The following EYA1 variants were observed in gnomAD, a reference collection of about 807,000 sequenced individuals.
EYA1 encodes the protein protein phosphatase EYA1.
Under a neutral mutation model 82.0 loss-of-function variants are expected in EYA1, and 16 were observed. That is an observed-to-expected ratio of 0.20 (90% CI 0.13 to 0.30). EYA1 has a LOEUF of 0.30. Ranked by LOEUF, EYA1 falls within the 10% of genes least tolerant of loss-of-function variation. EYA1 has a pLI of 1.00. For missense variants in EYA1, 633 were observed against 730.7 expected, an observed-to-expected ratio of 0.87 and a Z score of 1.54; for synonymous variants, 261 against 264.4, an observed-to-expected ratio of 0.99 and a Z score of 0.12.
At chr8:71,390,113 C>A (rs1335146955) in intron 2 of EYA1, among the ~76,000 whole-genome samples, 1 of 151,956 alleles carries the variant, frequency 6.6e-6, no homozygotes, top group African/African-American at 2.4e-5. Flanking sequence ...TCCTTATATT[C>A]CTGAATATTC....
At chr8:71,490,029 C>T (rs1488118468) in intron 2 of EYA1, among the ~76,000 whole-genome samples, 4 of 152,156 alleles carry the variant, frequency 2.6e-5, no homozygotes, top group Non-Finnish European at 5.9e-5. Flanking sequence ...GGATCCCAGG[C>T]CCTGGGGAAT....
chr8:71,489,854 A>G (rs1810865482), intron 2 of EYA1, among the ~76,000 whole-genome samples: 1 of 152,242 alleles, frequency 6.6e-6, no homozygotes, highest in East Asian at 1.9e-4. Flanking sequence ...GCTGATTCCA[A>G]ACCATCTAAA....
intron 12 of EYA1, among the ~76,000 whole-genome samples, chr8:71,217,426 T>G (rs1034315084): frequency 6.6e-6 from 1 of 152,220 alleles, no homozygotes; most frequent in East Asian, 1.9e-4. Context: ...TTAAACCTGA[T>G]GCTAACTGCC....
chr8:71,258,092 T>C (rs1039506457), intron 11 of EYA1, among the ~76,000 whole-genome samples: 2 of 152,288 alleles, frequency 1.3e-5, no homozygotes, highest in Admixed American at 1.3e-4. Context: ...GGCATTAGTT[T>C]AGAATAGTTT....
chr8:71,364,917 T>C (rs1478183867), upstream of EYA1, among the ~76,000 whole-genome samples: 1 of 130,424 alleles, frequency 7.7e-6, no homozygotes, highest in African/African-American at 2.9e-5. Context: ...GTTAAGGGCA[T>C]GATCAAAAAA....
chr8:71,395,710 A>G (rs1474383504), intron 2 of EYA1, among the ~76,000 whole-genome samples: 1 of 151,588 alleles, frequency 6.6e-6, no homozygotes, highest in Non-Finnish European at 1.5e-5. Flanking sequence ...TTTATTGAGG[A>G]TTTTGCATCG....
chr8:71,461,868 C>T (rs1421318529), intron 2 of EYA1, among the ~76,000 whole-genome samples: 2 of 152,166 alleles, frequency 1.3e-5, no homozygotes, highest in African/African-American at 4.8e-5. Context: ...AGAGTAGCTC[C>T]TCTCTGCAGA....
chr8:71,272,054 T>C (rs542723795), intron 9 of EYA1, among the ~76,000 whole-genome samples, 157 bp from the exon 10 acceptor site: 2 of 152,318 alleles, frequency 1.3e-5, no homozygotes, highest in South Asian at 2.1e-4. Flanking sequence ...AAATAATTTA[T>C]AAGATATCTG....
intron 9 of EYA1, among the ~76,000 whole-genome samples, chr8:71,291,836 T>A (rs1461086954): frequency 6.6e-6 from 1 of 152,148 alleles, no homozygotes; most frequent in Non-Finnish European, 1.5e-5. Context: ...TGGTATATTG[T>A]AAGATTACAT....
At chr8:71,362,968 C>G (rs552188767), upstream of EYA1, among the ~76,000 whole-genome samples, 76 of 152,274 alleles carry the variant, frequency 5.0e-4, no homozygotes, top group African/African-American at 1.7e-3. Context: ...ATGATTGTAT[C>G]TCAATTTGCC....
intron 12 of EYA1, among the ~76,000 whole-genome samples, chr8:71,238,946 T>A (rs1411832183): frequency 1.3e-5 from 2 of 152,002 alleles, no homozygotes; most frequent in East Asian, 3.8e-4. Flanking sequence ...GTATTCAGAG[T>A]ATAAATTTAT....
chr8:71,281,081 A>G (rs1279996237), intron 9 of EYA1, among the ~76,000 whole-genome samples: 2 of 152,158 alleles, frequency 1.3e-5, no homozygotes, highest in African/African-American at 4.8e-5. Context: ...AAAGGTCTCT[A>G]TATAATAGTT....
intron 2 of EYA1, among the ~76,000 whole-genome samples, chr8:71,388,452 C>T (rs533012476): frequency 1.1e-4 from 17 of 152,236 alleles, no homozygotes; most frequent in Admixed American, 3.3e-4. Context: ...CAGAGTTTTT[C>T]GGTTGTCTGT....
At chr8:71,451,764 C>T (rs1807396819) in intron 2 of EYA1, among the ~76,000 whole-genome samples, 1 of 152,156 alleles carries the variant, frequency 6.6e-6, no homozygotes, top group African/African-American at 2.4e-5. Context: ...GAGATCATTT[C>T]ATCAAGACTT....
chr8:71,223,773 T>A (rs777640086), intron 12 of EYA1, among the ~76,000 whole-genome samples: 6 of 152,188 alleles, frequency 3.9e-5, no homozygotes, highest in Admixed American at 6.5e-5. Flanking sequence ...CACAGACATG[T>A]TCTTTTGGAC....
chr8:71,354,677 G>A lies in EYA1; in HGVS notation c.124+105C>T, dbSNP rs1826671011. The A allele has an allele frequency of 3.7e-6, 4 of 1,092,460 alleles. No homozygotes were observed. The Admixed American group carries it at 6.9e-5, about 19-fold the overall frequency. The allele number at this position is 1,092,460 out of a possible 1,614,324, so 67.7% of individuals were successfully genotyped here. A position where few individuals can be genotyped will look rare whatever the true frequency, so the allele number is the denominator to read the frequency against. On this transcript the variant is annotated intron_variant, in intron 3 of 17. Coordinates refer to ENST00000340726, the MANE Select transcript of EYA1 (RefSeq NM_000503.6). ...TATTACCTAAAGGGGAAATATAAGA[G>A]TAGTTTTATGATTTTGACAACTGAA...
At chr8:71,431,829 A>G (rs1298277245) in intron 2 of EYA1, among the ~76,000 whole-genome samples, 1 of 152,178 alleles carries the variant, frequency 6.6e-6, no homozygotes, top group Admixed American at 6.5e-5. Context: ...ATTACTTTGC[A>G]TATTTCATCC....
chr8:71,421,878 T>C (rs1259674991), intron 2 of EYA1, among the ~76,000 whole-genome samples: 1 of 152,196 alleles, frequency 6.6e-6, no homozygotes, highest in Non-Finnish European at 1.5e-5. Context: ...TGTGTATACA[T>C]GTGTGCAAAG....
chr8:71,289,440 C>T (rs1818759539), intron 9 of EYA1, among the ~76,000 whole-genome samples: 1 of 152,182 alleles, frequency 6.6e-6, no homozygotes, highest in Non-Finnish European at 1.5e-5. Context: ...TAACTGAATG[C>T]CTCATAATAT....
Sources: gnomAD v4.1 joint callset for allele counts (sites outside exome capture counted in the v4.1 genomes callset) on GRCh38, gnomAD v4.1.1 for gene constraint, MANE v1.5 for transcripts, NCBI Gene and HGNC (gene_info 2026-07-23, HGNC 2026-07-21) for gene names.